Variants in CPA1 observed in about 807,000 individuals in gnomAD.
CPA1 encodes the protein carboxypeptidase A1.
A neutral mutation model predicts 48.7 loss-of-function variants in CPA1; 42 were observed. The observed-to-expected ratio is 0.86, with a 90% confidence interval of 0.67 to 1.11. The LOEUF is 1.11. Among genes scored for constraint, CPA1 ranks in the 50% most tolerant of loss-of-function variants. CPA1 has a pLI of 0.00. For synonymous variants in CPA1, 203 were observed against 217.9 expected (o/e 0.93, Z 0.60); for missense variants, 477 against 544.7 (o/e 0.88, Z 1.24).
At chr7:130,385,417 G>A in intron 8 of CPA1, 72 bp downstream of exon 8, 2 of 1,414,956 alleles carry the variant, frequency 1.4e-6, no homozygotes, top group Middle Eastern at 2.2e-4. Flanking sequence ...TCCCCCATCA[G>A]ACCTGCTTAA....
At chr7:130,382,325 TC>T in intron 4 of CPA1, 116 bp downstream of exon 4, 1 of 759,230 alleles carries the variant, frequency 1.3e-6, no homozygotes, top group Non-Finnish European at 2.2e-6. Context: ...TTAAATGGAC[TC>T]CCCATGCAGA....
intron 2 of CPA1, 39 bp from the exon 3 acceptor site, chr7:130,381,591 C>A: frequency 6.5e-7 from 1 of 1,536,688 alleles, no homozygotes; most frequent in South Asian, 1.1e-5. Flanking sequence ...GCTGGTGCCC[C>A]CAGCCCGCTG....
rs782393347 is a variant in CPA1, at chr7:130,381,146, G to C, written c.114G>C (p.Lys38Asn). The part of the protein sequence containing the change: ...ISVADEAQVQ[K>N]VKELEDLEHL... Reference sequence around the variant, plus strand: ...TAGCCGATGAGGCCCAGGTACAGAAGGTGAAGGAGCTGGAGGACCTGGAGC... The same window carrying C: ...TAGCCGATGAGGCCCAGGTACAGAACGTGAAGGAGCTGGAGGACCTGGAGC... Residue 38 changes from lysine (K) to asparagine (N), a missense_variant, in exon 2 of 10, where the codon AAG becomes AAC. Coordinates refer to ENST00000011292, the MANE Select transcript of CPA1 (RefSeq NM_001868.4). 16 of 1,613,648 alleles carry C rather than the reference G, an allele frequency of 9.9e-6. No individual in the cohort carries two copies. The highest frequency in any genetic ancestry group is 9.3e-6 in the Non-Finnish European group (11 of 1,179,814).
intron 4 of CPA1, 107 bp from the exon 5 acceptor site, chr7:130,383,284 C>T: frequency 2.4e-6 from 2 of 816,464 alleles, no homozygotes; most frequent in Non-Finnish European, 2.1e-6. Context: ...ACCTGAGATA[C>T]ACAGAGAGCA....
intron 3 of CPA1, 110 bp downstream of exon 3, chr7:130,381,973 T>C (rs1170375011): frequency 2.5e-6 from 3 of 1,203,516 alleles, no homozygotes; most frequent in Admixed American, 4.0e-5. Context: ...CAGCGCCTGC[T>C]CTGTTTCCAT....
chr7:130,380,543 G>T lies in CPA1; in HGVS notation c.23G>T (p.Ser8Ile), dbSNP rs2117498346. Residue 8 changes from serine (S) to isoleucine (I), a missense_variant, in exon 1 of 10, where the codon AGT becomes ATT. Coordinates refer to ENST00000011292, the MANE Select transcript of CPA1 (RefSeq NM_001868.4). The part of the protein sequence containing the change: MRGLLVL[S>I]VLLGAVFGKE... ...AGCATGCGGGGGTTGCTGGTGTTGAGTGTCCTGTTGGGGGCTGTCTTTGGC... is the reference window on the plus strand; with the variant it reads ...AGCATGCGGGGGTTGCTGGTGTTGATTGTCCTGTTGGGGGCTGTCTTTGGC... 2 of 1,316,524 alleles carry T rather than the reference G, an allele frequency of 1.5e-6. No homozygotes were observed. The highest frequency in any genetic ancestry group is 2.8e-5 in the East Asian group (1 of 35,724). The allele number at this position is 1,316,524 out of a possible 1,614,324, so 81.6% of individuals were successfully genotyped here.
chr7:130,381,536 C>G (rs984298876), intron 2 of CPA1, 94 bp from the exon 3 acceptor site: 60 of 882,598 alleles, frequency 6.8e-5, no homozygotes, highest in Non-Finnish European at 1.1e-4. Flanking sequence ...ACTTCTGGCA[C>G]CAACAGCCCC....
In CPA1 at chr7:130,387,056, G is replaced by A. The variant is rs1554412145; in HGVS notation, c.1073-768G>A. On this transcript the variant is annotated intron_variant, in intron 9 of 9. Coordinates refer to ENST00000011292, the MANE Select transcript of CPA1 (RefSeq NM_001868.4). This position sits in a 1 kb window ranked among gnomAD's most constrained non-coding sequence, Gnocchi z 4.6. ...ACAGTGTGGTCTGGCCGGGGATGTT[G>A]CTGGAACAACAAGACTGGTGTGGCT... Among the ~76,000 whole-genome samples the A allele has an allele frequency of 6.6e-6, 1 of 152,204 alleles. No individual in the cohort carries two copies. The highest frequency in any genetic ancestry group is 2.1e-4 in the South Asian group (1 of 4,824).
At chr7:130,384,275 C>T (rs1298894291) in intron 6 of CPA1, 9 of 552,120 alleles carry the variant, frequency 1.6e-5, no homozygotes, top group South Asian at 8.6e-5. Flanking sequence ...CAAATGCCAT[C>T]CTATGGCCTT....
At position 130,380,512 on chromosome 7, in the gene CPA1, G is replaced by A. The variant is rs202068577; in HGVS notation, c.-9G>A. The A allele has an allele frequency of 2.2e-5, 29 of 1,314,080 alleles. No homozygotes were observed. The highest frequency in any genetic ancestry group is 2.4e-5 in the Non-Finnish European group (25 of 1,022,804). The allele number at this position is 1,314,080 out of a possible 1,614,324, so 81.4% of individuals were successfully genotyped here. A position where few individuals can be genotyped will look rare whatever the true frequency, so the allele number is the denominator to read the frequency against. On this transcript the variant is annotated 5_prime_UTR_variant, in exon 1 of 10. Coordinates refer to ENST00000011292, the MANE Select transcript of CPA1 (RefSeq NM_001868.4). ...CGACCTCAGTCTGACCTTCCCTCCCGGCAGCAGCATGCGGGGGTTGCTGGT... is the reference window on the plus strand; with the variant it reads ...CGACCTCAGTCTGACCTTCCCTCCCAGCAGCAGCATGCGGGGGTTGCTGGT...
intron 7 of CPA1, chr7:130,384,852 C>T: frequency 1.6e-6 from 1 of 608,978 alleles, no homozygotes; most frequent in Non-Finnish European, 2.9e-6. Flanking sequence ...TGAAATCCTA[C>T]CTAGGGGGCT....
intron 1 of CPA1, 28 bp downstream of exon 1, chr7:130,380,613 C>G: frequency 8.0e-7 from 1 of 1,246,470 alleles, no homozygotes; most frequent in Non-Finnish European, 1.0e-6. Context: ...AGGGGGTGCC[C>G]TCTGAGGGTG....
At chr7:130,381,968 C>T in intron 3 of CPA1, 105 bp downstream of exon 3, 1 of 1,225,826 alleles carries the variant, frequency 8.2e-7, no homozygotes, top group African/African-American at 1.5e-5. Flanking sequence ...GTGCGCAGCG[C>T]CTGCTCTGTT....
intron 9 of CPA1, 64 bp downstream of exon 9, chr7:130,385,987 G>T (rs1019164169): frequency 2.1e-6 from 3 of 1,426,910 alleles, no homozygotes; most frequent in African/African-American, 1.4e-5. Context: ...CTTCCTGACC[G>T]AGGGAGTATC....
chr7:130,384,708 C>T (rs1796451238), intron 7 of CPA1, 82 bp downstream of exon 7: 1 of 1,206,684 alleles, frequency 8.3e-7, no homozygotes, highest in African/African-American at 1.5e-5. Context: ...CCGCCTCTCT[C>T]CTGCCCCTGC....
At chr7:130,385,606 T>C (rs1255988691) in intron 8 of CPA1, among the ~76,000 whole-genome samples, 1 of 151,884 alleles carries the variant, frequency 6.6e-6, no homozygotes, top group Non-Finnish European at 1.5e-5. Flanking sequence ...CATGTGGAGG[T>C]GCATGTGCCT....
At chr7:130,385,449 C>A in intron 8 of CPA1, 104 bp downstream of exon 8, 2 of 1,024,314 alleles carry the variant, frequency 2.0e-6, no homozygotes, top group South Asian at 1.4e-5. Flanking sequence ...CTCCAGAGTA[C>A]CTGACACCCT....
In CPA1 at chr7:130,385,908, A is replaced by G; in HGVS notation, c.1057A>G (p.Ile353Val). The G allele has an allele frequency of 6.2e-7, 1 of 1,614,098 alleles. No individual in the cohort carries two copies. The stretch of plus-strand genomic sequence containing the variant: ...CGGGACCAAGTTCAACTATGGCAGC[A>G]TCATCAAGGCAATTTGTAAGTGGCC... ...LYGTKFNYGS[I>V]IKAIYQASGS... The change falls in exon 9 of 10, where the codon ATC becomes GTC. Residue 353 changes from isoleucine (I) to valine (V), a missense_variant. Coordinates refer to ENST00000011292, the MANE Select transcript of CPA1 (RefSeq NM_001868.4).
chr7:130,383,867 C>T, intron 6 of CPA1, 73 bp downstream of exon 6: 2 of 1,112,256 alleles, frequency 1.8e-6, no homozygotes, highest in East Asian at 2.3e-5. Context: ...GTAGTTCACC[C>T]CTAATCTCAA....
Sources: allele counts gnomAD v4.1 joint callset (sites outside exome capture counted in the v4.1 genomes callset), GRCh38; gene constraint gnomAD v4.1.1; non-coding constraint Gnocchi (gnomAD v3.1); transcripts MANE v1.5; gene names NCBI Gene and HGNC (gene_info 2026-07-23, HGNC 2026-07-21).